ADD2: variants seen among roughly 807,000 people sequenced by gnomAD.
ADD2 encodes adducin 2, also known as beta-adducin.
A neutral mutation model predicts 83.0 loss-of-function variants in ADD2; 23 were observed. The ratio of observed to expected loss-of-function variants is 0.28; its 90% CI spans 0.20 to 0.39. The LOEUF (loss-of-function observed/expected upper bound fraction) is 0.39, where lower values mean the gene tolerates loss of function less well. Ranked by LOEUF, ADD2 falls within the 10% of genes least tolerant of loss-of-function variation. The pLI is 1.00. For synonymous variants in ADD2, 375 were observed against 375.4 expected, an observed-to-expected ratio of 1.00 and a Z score of 0.01; for missense variants, 758 against 944.9, an observed-to-expected ratio of 0.80 and a Z score of 2.59.
chr2:70,763,589 A>G (rs562412127), intron 1 of ADD2, among the ~76,000 whole-genome samples: 53 of 152,024 alleles, frequency 3.5e-4, no homozygotes, highest in Non-Finnish European at 6.9e-4. Context: ...TATGCTTTAC[A>G]GCTTTTATAT....
chr2:70,677,888 A>G lies in ADD2; in HGVS notation c.1384-11T>C. The G allele has an allele frequency of 1.2e-6, 2 of 1,614,094 alleles. No homozygotes were observed. Among genetic ancestry groups the G allele is most frequent in the South Asian group, 2.2e-5 (2 of 91,062 alleles). Reference sequence around the variant, plus strand: ...GTCAGCCTTCATCCACTGCACAAACACAAGGTCATGGGGCTGAGGTGAGGG... The same window carrying G: ...GTCAGCCTTCATCCACTGCACAAACGCAAGGTCATGGGGCTGAGGTGAGGG... On this transcript the variant is annotated splice_polypyrimidine_tract_variant and intron_variant, in intron 11 of 15. Coordinates refer to ENST00000264436, the MANE Select transcript of ADD2 (RefSeq NM_001617.4).
intron 15 of ADD2, among the ~76,000 whole-genome samples, chr2:70,667,216 T>C (rs1467094486): frequency 6.8e-6 from 1 of 147,600 alleles, no homozygotes; most frequent in Admixed American, 6.8e-5. Context: ...TGGGGGTGAG[T>C]AGAGTGGGGC....
intron 4 of ADD2, among the ~76,000 whole-genome samples, chr2:70,702,699 T>A (rs1574263392): frequency 3.5e-5 from 4 of 115,278 alleles, no homozygotes; most frequent in East Asian, 2.6e-4. Context: ...AAGGAGAAAC[T>A]GGAAAAAAAA....
At chr2:70,711,062 C>A (rs1053477502) in intron 2 of ADD2, 15 of 152,164 alleles carry the variant, frequency 9.9e-5, no homozygotes, top group East Asian at 7.7e-4. Context: ...CAGAAAAAGA[C>A]TGAGAATGCC....
intron 8 of ADD2, 114 bp from the exon 9 acceptor site, chr2:70,688,236 C>T: frequency 1.4e-6 from 1 of 732,228 alleles, no homozygotes; most frequent in Non-Finnish European, 2.3e-6. Flanking sequence ...AGGGCCCCTT[C>T]TCCCAACTCC....
chr2:70,757,914 A>G (rs2104550784), intron 1 of ADD2, among the ~76,000 whole-genome samples: 1 of 152,378 alleles, frequency 6.6e-6, no homozygotes, highest in South Asian at 2.1e-4. Flanking sequence ...ACAATTTAAA[A>G]ATAACATTCA....
intron 15 of ADD2, among the ~76,000 whole-genome samples, chr2:70,665,729 T>A (rs1398447377): frequency 1.3e-5 from 2 of 152,120 alleles, no homozygotes; most frequent in Admixed American, 1.3e-4. Flanking sequence ...CGTTCCCACT[T>A]CCAGGTAGAG....
intron 1 of ADD2, among the ~76,000 whole-genome samples, chr2:70,743,439 G>A (rs554544744): frequency 2.6e-5 from 4 of 152,342 alleles, no homozygotes; most frequent in South Asian, 2.1e-4. Context: ...AAGAGGCAGC[G>A]TCTTATGGCT....
intron 4 of ADD2, among the ~76,000 whole-genome samples, chr2:70,700,001 T>C (rs1298178839): frequency 4.6e-5 from 7 of 152,178 alleles, no homozygotes; most frequent in African/African-American, 1.7e-4. Flanking sequence ...AATGAAGCTA[T>C]AACTATCAGT....
At chr2:70,679,799 C>G (rs971200545) in intron 10 of ADD2, among the ~76,000 whole-genome samples, 1 of 151,888 alleles carries the variant, frequency 6.6e-6, no homozygotes, top group Non-Finnish European at 1.5e-5. Context: ...CATGTGTGTC[C>G]ATATATGTTT....
chr2:70,726,579 T>C (rs1422273431), intron 1 of ADD2, among the ~76,000 whole-genome samples: 1 of 152,152 alleles, frequency 6.6e-6, no homozygotes, highest in Non-Finnish European at 1.5e-5. Context: ...CCTGGGAGAA[T>C]GGAAATGTTG....
chr2:70,682,369 A>C (rs1398401129), intron 10 of ADD2, among the ~76,000 whole-genome samples: 3 of 152,222 alleles, frequency 2.0e-5, no homozygotes, highest in Non-Finnish European at 4.4e-5. Context: ...TAGATTACTC[A>C]GCATACAAAT....
chr2:70,711,700 G>A (rs539929345), intron 2 of ADD2, among the ~76,000 whole-genome samples: 6 of 152,284 alleles, frequency 3.9e-5, no homozygotes, highest in South Asian at 4.2e-4. Context: ...AGCTCTGTGC[G>A]CCCCACCTTA....
chr2:70,688,865 G>A (rs1403447385), intron 8 of ADD2, among the ~76,000 whole-genome samples: 1 of 152,190 alleles, frequency 6.6e-6, no homozygotes, highest in Admixed American at 6.5e-5. Context: ...GGGAGGCTAA[G>A]GTGGGCAGAT....
chr2:70,760,695 T>A (rs1289828365), intron 1 of ADD2: 2 of 152,214 alleles, frequency 1.3e-5, no homozygotes, highest in African/African-American at 4.8e-5. Context: ...GTGTCCTGCT[T>A]CTTGACCTGC....
chr2:70,675,028 G>A, intron 13 of ADD2: 1 of 1,344,832 alleles, frequency 7.4e-7, no homozygotes, highest in Non-Finnish European at 9.5e-7. Context: ...TTTTGCAACT[G>A]GCTGGATGAA....
At chr2:70,677,262 G>A (rs1443081684) in intron 12 of ADD2, among the ~76,000 whole-genome samples, 1 of 152,100 alleles carries the variant, frequency 6.6e-6, no homozygotes, top group East Asian at 1.9e-4. Flanking sequence ...GGTGGTAGAG[G>A]AGGGTGACCC....
intron 4 of ADD2, among the ~76,000 whole-genome samples, chr2:70,698,141 TG>T (rs1307858623): frequency 2.0e-5 from 3 of 152,232 alleles, no homozygotes; most frequent in Non-Finnish European, 4.4e-5. Context: ...CAGGCAAAGG[TG>T]GGCAGGTGGG....
intron 2 of ADD2, among the ~76,000 whole-genome samples, chr2:70,710,409 G>A (rs546192638): frequency 6.6e-6 from 1 of 152,348 alleles, no homozygotes; most frequent in African/African-American, 2.4e-5. Flanking sequence ...GAAGCTCTGG[G>A]CCTGATGGAC....
Sources: gnomAD v4.1 joint callset for allele counts (sites outside exome capture counted in the v4.1 genomes callset) on GRCh38, gnomAD v4.1.1 for gene constraint, MANE v1.5 for transcripts, NCBI Gene and HGNC (gene_info 2026-07-23, HGNC 2026-07-21) for gene names.